ADAM22: variants seen among roughly 807,000 people sequenced by gnomAD.
ADAM22 encodes the protein disintegrin and metalloproteinase domain-containing protein 22.
ADAM22 carries 65 observed loss-of-function variants against 144.6 expected under a neutral mutation model. That is an observed-to-expected ratio of 0.45 (90% CI 0.37 to 0.55). The LOEUF is 0.55. ADAM22 is among the 20% of genes least tolerant of loss of function. The probability of loss-of-function intolerance (pLI) is 0.00; values close to 1 mark genes in which losing one functional copy is unlikely to be tolerated. For missense variants in ADAM22, 974 were observed against 1,184.9 expected (o/e 0.82, Z 2.61); for synonymous variants, 391 against 412.6 (o/e 0.95, Z 0.63).
intron 25 of ADAM22, 45 bp downstream of exon 25, chr7:88,168,272 A>C (rs1285694066): frequency 1.3e-6 from 2 of 1,544,364 alleles, no homozygotes. Context: ...ATATACTTCT[A>C]AACATTTTGA....
intron 2 of ADAM22, among the ~76,000 whole-genome samples, chr7:87,971,079 T>C (rs751094149): frequency 1.1e-4 from 16 of 152,280 alleles, no homozygotes; most frequent in Non-Finnish European, 2.2e-4. Flanking sequence ...TATATATATG[T>C]TTAACTATAA....
At position 88,193,102 on chromosome 7, in the gene ADAM22, T is replaced by C; in HGVS notation, c.2751-14T>C. 10 of 1,613,746 alleles carry C rather than the reference T, an allele frequency of 6.2e-6. No homozygotes were observed. Among genetic ancestry groups the C allele is most frequent in the Non-Finnish European group, 8.5e-6 (10 of 1,179,790 alleles). On this transcript the variant is annotated splice_polypyrimidine_tract_variant and intron_variant, in intron 30 of 31. Transcript: ENST00000413139. ...CAATCACATGATACTTAATTCATGTTCTCAACATCTCAGGACTTTATCTCC... is the reference window on the plus strand; with the variant it reads ...CAATCACATGATACTTAATTCATGTCCTCAACATCTCAGGACTTTATCTCC...
intron 30 of ADAM22, among the ~76,000 whole-genome samples, chr7:88,192,719 C>T (rs1186839752): frequency 2.0e-5 from 3 of 152,064 alleles, no homozygotes; most frequent in Non-Finnish European, 4.4e-5. Context: ...TTGGAATTAT[C>T]GTACTTAAAC....
intron 26 of ADAM22, among the ~76,000 whole-genome samples, chr7:88,175,829 G>T (rs1845505283): frequency 1.3e-5 from 2 of 152,146 alleles, no homozygotes; most frequent in Non-Finnish European, 2.9e-5. Flanking sequence ...AACAAATGAT[G>T]AAAAGTTATT....
intron 4 of ADAM22, among the ~76,000 whole-genome samples, chr7:88,082,724 A>G (rs1817144834): frequency 6.6e-6 from 1 of 152,186 alleles, no homozygotes; most frequent in South Asian, 2.1e-4. Flanking sequence ...GCAGCCAAAA[A>G]ACACATGAAA....
intron 3 of ADAM22, among the ~76,000 whole-genome samples, chr7:88,008,004 A>G (rs1430262763): frequency 3.9e-5 from 6 of 152,236 alleles, no homozygotes; most frequent in Non-Finnish European, 8.8e-5. Flanking sequence ...TACTCATCTG[A>G]CAAAGGGCTA....
chr7:88,149,975 A>G (rs1173711374), intron 18 of ADAM22, among the ~76,000 whole-genome samples: 1 of 152,170 alleles, frequency 6.6e-6, no homozygotes, highest in Non-Finnish European at 1.5e-5. Context: ...TCAACATTTT[A>G]CAACATTTTA....
intron 3 of ADAM22, among the ~76,000 whole-genome samples, chr7:88,005,183 C>T (rs1324277692): frequency 6.6e-6 from 1 of 152,128 alleles, no homozygotes; most frequent in African/African-American, 2.4e-5. Flanking sequence ...CACCCACTCA[C>T]TCCCCATTAA....
At chr7:87,974,600 A>ATGAACTCAT (rs1157202112) in intron 2 of ADAM22, among the ~76,000 whole-genome samples, 1 of 152,206 alleles carries the variant, frequency 6.6e-6, no homozygotes, top group African/African-American at 2.4e-5. Context: ...TACTGGTGCA[A>ATGAACTCAT]TGAACTCATT....
chr7:88,015,639 C>G (rs1379057699), intron 3 of ADAM22, among the ~76,000 whole-genome samples: 2 of 152,136 alleles, frequency 1.3e-5, no homozygotes, highest in African/African-American at 4.8e-5. Context: ...GTCTTTTTAC[C>G]AAAGCCAAGC....
chr7:88,149,523 A>G (rs935552540), intron 18 of ADAM22, among the ~76,000 whole-genome samples: 2 of 152,196 alleles, frequency 1.3e-5, no homozygotes, highest in African/African-American at 2.4e-5. Context: ...TTAGTTATAG[A>G]TAGACAAGCT....
At chr7:87,948,764 A>G (rs547081902) in intron 2 of ADAM22, among the ~76,000 whole-genome samples, 1 of 152,268 alleles carries the variant, frequency 6.6e-6, no homozygotes, top group East Asian at 1.9e-4. Flanking sequence ...TGTGTCCATT[A>G]AGGAGGGGAT....
chr7:88,136,292 AT>A (rs1832969870), intron 14 of ADAM22, among the ~76,000 whole-genome samples: 1 of 152,132 alleles, frequency 6.6e-6, no homozygotes, highest in African/African-American at 2.4e-5. Context: ...TTACCTGCTA[AT>A]TCCCTTTCCT....
intron 2 of ADAM22, among the ~76,000 whole-genome samples, chr7:87,939,953 G>A (rs1842134393): frequency 6.6e-6 from 1 of 152,050 alleles, no homozygotes; most frequent in South Asian, 2.1e-4. Context: ...CAGCACTTTG[G>A]GAGGCCGAGG....
chr7:88,118,326 A>C (rs1254101472), intron 7 of ADAM22, among the ~76,000 whole-genome samples: 1 of 152,186 alleles, frequency 6.6e-6, no homozygotes, highest in African/African-American at 2.4e-5. Flanking sequence ...AGAAATGAAC[A>C]TTCTCTCCCC....
At chr7:88,004,666 T>G (rs570520965) in intron 3 of ADAM22, among the ~76,000 whole-genome samples, 119 of 152,272 alleles carry the variant, frequency 7.8e-4, no homozygotes, top group African/African-American at 2.6e-3. Flanking sequence ...ACTGAAAAAT[T>G]TATTTCAGCT....
intron 3 of ADAM22, among the ~76,000 whole-genome samples, chr7:88,034,436 C>T (rs1255176041): frequency 6.6e-6 from 1 of 152,160 alleles, no homozygotes; most frequent in Non-Finnish European, 1.5e-5. Flanking sequence ...CTTCATTACT[C>T]TTCCCTGTCC....
chr7:88,111,919 T>C (rs1826155203), intron 5 of ADAM22, among the ~76,000 whole-genome samples: 1 of 152,116 alleles, frequency 6.6e-6, no homozygotes. Flanking sequence ...TTAAGTCCAA[T>C]AAAAAAATGA....
intron 21 of ADAM22, among the ~76,000 whole-genome samples, chr7:88,154,210 C>T (rs1329007109): frequency 6.6e-6 from 1 of 152,192 alleles, no homozygotes; most frequent in Non-Finnish European, 1.5e-5. Context: ...TCAGAACTCT[C>T]TCTTCACCAT....
Sources: gnomAD v4.1 joint callset for allele counts (sites outside exome capture counted in the v4.1 genomes callset) on GRCh38, gnomAD v4.1.1 for gene constraint, MANE v1.5 for transcripts, NCBI Gene and HGNC (gene_info 2026-07-23, HGNC 2026-07-21) for gene names.